The following PRMT8 variants were observed in gnomAD, a reference collection of about 807,000 sequenced individuals.
PRMT8 encodes protein arginine methyltransferase 8.
PRMT8 carries 7 observed loss-of-function variants against 47.1 expected under a neutral mutation model. The observed-to-expected ratio is 0.15, with a 90% CI of 0.08 to 0.28. The LOEUF (loss-of-function observed/expected upper bound fraction) is 0.28. PRMT8 is among the 10% of genes least tolerant of loss of function. PRMT8 has a pLI of 1.00. For synonymous variants in PRMT8, 188 were observed against 186.5 expected (o/e 1.01, Z -0.07); for missense variants, 237 against 505.4 (o/e 0.47, Z 5.09).
Position 3,385,272 on chromosome 12 carries a change from G to A in PRMT8, c.48+3830G>A, listed in dbSNP as rs75918384. Reference sequence around the variant, plus strand: ...GGAAATTGAGGCCTACGAAGATTAAGGAAGTTGCCCAAGGTCTGATTCCAG... The same window carrying A: ...GGAAATTGAGGCCTACGAAGATTAAAGAAGTTGCCCAAGGTCTGATTCCAG... On this transcript the variant is annotated intron_variant, in intron 1 of 9. Coordinates refer to the PRMT8 transcript ENST00000452611. Among the ~76,000 whole-genome samples, 144 of 152,304 alleles carry A rather than the reference G, an allele frequency of 9.5e-4. 4 individuals are homozygous for A. In the East Asian group the frequency reaches 0.024, roughly 25 times the overall value.
chr12:3,546,320 A>C (rs1021196964), intron 2 of PRMT8, among the ~76,000 whole-genome samples: 3 of 152,242 alleles, frequency 2.0e-5, no homozygotes, highest in Non-Finnish European at 2.9e-5. Flanking sequence ...TAAGTTGAAG[A>C]AAGGAAATAA....
chr12:3,427,803 T>A (rs1864622223), intron 1 of PRMT8, among the ~76,000 whole-genome samples: 1 of 152,136 alleles, frequency 6.6e-6, no homozygotes, highest in African/African-American at 2.4e-5. Context: ...CCATATAACT[T>A]TTTTTTACAT....
intron 1 of PRMT8, among the ~76,000 whole-genome samples, chr12:3,530,132 G>A (rs1866006984): frequency 1.3e-5 from 2 of 152,118 alleles, no homozygotes; most frequent in South Asian, 2.1e-4. Flanking sequence ...AGAGTATTGA[G>A]TATTATTGAG....
intron 1 of PRMT8, among the ~76,000 whole-genome samples, chr12:3,390,686 A>C (rs1864184817): frequency 6.6e-6 from 1 of 152,230 alleles, no homozygotes; most frequent in Non-Finnish European, 1.5e-5. Flanking sequence ...TTCTGAGCCC[A>C]CACTCCTAGC....
intron 1 of PRMT8, among the ~76,000 whole-genome samples, chr12:3,478,365 T>G (rs1339987647): frequency 6.6e-6 from 1 of 152,140 alleles, no homozygotes; most frequent in Non-Finnish European, 1.5e-5. Context: ...TGATACCCTG[T>G]GGTCCACCCT....
intron 1 of PRMT8, among the ~76,000 whole-genome samples, chr12:3,416,136 C>T (rs1864481336): frequency 6.6e-6 from 1 of 152,190 alleles, no homozygotes; most frequent in African/African-American, 2.4e-5. Flanking sequence ...CCTAGGTCTC[C>T]TCGCTCCACG....
intron 2 of PRMT8, among the ~76,000 whole-genome samples, chr12:3,541,716 GC>G (rs1157194858): frequency 6.6e-6 from 1 of 152,202 alleles, no homozygotes; most frequent in African/African-American, 2.4e-5. Context: ...CCCTGCCATT[GC>G]CGGAAGGGTG....
intron 1 of PRMT8, among the ~76,000 whole-genome samples, chr12:3,461,420 C>T (rs1865039694): frequency 6.6e-6 from 1 of 152,164 alleles, no homozygotes; most frequent in South Asian, 2.1e-4. Flanking sequence ...TGTGTGATGT[C>T]CCTCTCCCTG....
At chr12:3,433,068 G>A (rs1008923902) in intron 1 of PRMT8, among the ~76,000 whole-genome samples, 6 of 152,150 alleles carry the variant, frequency 3.9e-5, no homozygotes, top group Non-Finnish European at 7.3e-5. Context: ...CAGTCCCAGC[G>A]GCAGTCTTCA....
chr12:3,473,417 C>T (rs1865179843), intron 1 of PRMT8, among the ~76,000 whole-genome samples: 1 of 152,200 alleles, frequency 6.6e-6, no homozygotes, highest in African/African-American at 2.4e-5. Context: ...TCCTCTGCCT[C>T]TCTAGCTGGT....
At chr12:3,463,794 G>A (rs1288974926) in intron 1 of PRMT8, among the ~76,000 whole-genome samples, 1 of 152,136 alleles carries the variant, frequency 6.6e-6, no homozygotes. Context: ...AGAATAACCA[G>A]GACAAAGATA....
intron 1 of PRMT8, among the ~76,000 whole-genome samples, chr12:3,443,961 G>A (rs371858723): frequency 6.6e-6 from 1 of 152,048 alleles, no homozygotes; most frequent in Admixed American, 6.5e-5. Context: ...GTCTAAGTTC[G>A]GCCTAAACAT....
intron 1 of PRMT8, among the ~76,000 whole-genome samples, chr12:3,509,974 C>T (rs904997509): frequency 2.0e-5 from 3 of 152,206 alleles, no homozygotes; most frequent in African/African-American, 7.2e-5. Context: ...CAAGAATGCC[C>T]TGTGCTTAGG....
chr12:3,511,814 G>GA (rs1015283612), intron 1 of PRMT8, among the ~76,000 whole-genome samples: 28 of 151,998 alleles, frequency 1.8e-4, no homozygotes, highest in East Asian at 3.9e-4. Flanking sequence ...AGCTAAAGGG[G>GA]AAAAAAAAGC....
At chr12:3,401,481 GA>G (rs1565399133) in intron 1 of PRMT8, among the ~76,000 whole-genome samples, 3 of 151,994 alleles carry the variant, frequency 2.0e-5, no homozygotes, top group Non-Finnish European at 2.9e-5. Context: ...TCAGGCAAGA[GA>G]AAGAAATAAA....
rs7976172 is a variant in PRMT8 at position 3,397,868 on chromosome 12, A to G, written c.48+16426A>G. On this transcript the variant is annotated intron_variant, in intron 1 of 9. Coordinates refer to the PRMT8 transcript ENST00000452611. The stretch of plus-strand genomic sequence containing the variant: ...CTGTGCTAGCAATCAGCGAGACTCC[A>G]TGGGCGTAGGACCCTCCGAGCCAGG... Among the ~76,000 whole-genome samples the G allele has an allele frequency of 4.1e-3, 628 of 151,940 alleles. 2 individuals carry two copies. Among genetic ancestry groups the G allele is most frequent in the South Asian group, 0.024 (117 of 4,790 alleles).
At chr12:3,496,601 G>T (rs1340868342) in intron 1 of PRMT8, among the ~76,000 whole-genome samples, 44 of 152,038 alleles carry the variant, frequency 2.9e-4, no homozygotes. Context: ...TAGTAGATGT[G>T]TTGCTACATT....
chr12:3,540,616 C>CCCCCGGG lies in PRMT8; in HGVS notation c.90_91insGGGCCCC (p.Ser31GlyfsTer13). 5 of 1,116,938 alleles carry CCCCCGGG rather than the reference C, an allele frequency of 4.5e-6. No individual in the cohort carries two copies. Among genetic ancestry groups the CCCCCGGG allele is most frequent in the South Asian group, 1.3e-5 (1 of 79,450 alleles). 69.2% of individuals were successfully genotyped at this position (1,116,938 alleles called of 1,614,324 possible). A position where few individuals can be genotyped will look rare whatever the true frequency, so the allele number is the denominator to read the frequency against. ...TTCTCTTCCCCTCAGGTGAACAGCC[C>CCCCCGGG]CCCCTCCCAGCCCCCCCAGCCCGTC... On this transcript the variant is annotated frameshift_variant, in exon 2 of 10. Coordinates refer to ENST00000382622, the MANE Select transcript of PRMT8 (RefSeq NM_019854.5). LOFTEE classifies it high-confidence loss of function.
chr12:3,554,244 C>T (rs1300510762), intron 4 of PRMT8, among the ~76,000 whole-genome samples: 1 of 152,206 alleles, frequency 6.6e-6, no homozygotes, highest in Non-Finnish European at 1.5e-5. Flanking sequence ...GCGTCCCTTC[C>T]CTTCCTCCCC....
Sources: gnomAD v4.1 joint callset for allele counts (sites outside exome capture counted in the v4.1 genomes callset) on GRCh38, gnomAD v4.1.1 for gene constraint, MANE v1.5 for transcripts, NCBI Gene and HGNC (gene_info 2026-07-23, HGNC 2026-07-21) for gene names.